Variants in BCKDHB observed in about 807,000 individuals in gnomAD.
The protein encoded by BCKDHB is branched chain keto acid dehydrogenase E1 subunit beta.
In BCKDHB, 41 loss-of-function variants were observed where a neutral mutation model predicts 48.5. The observed-to-expected ratio is 0.85, with a 90% CI of 0.66 to 1.10. The LOEUF is 1.10. Ranked by LOEUF, BCKDHB falls within the 50% of genes least tolerant of loss-of-function variation. The pLI is 0.00. For synonymous variants in BCKDHB, 201 were observed against 174.8 expected, an observed-to-expected ratio of 1.15 and a Z score of -1.18; for missense variants, 496 against 494.2, an observed-to-expected ratio of 1.00 and a Z score of -0.03.
At chr6:80,439,943 A>G in the BCKDHB span, among the ~76,000 whole-genome samples, 1 of 152,240 alleles carries the variant, frequency 6.6e-6, no homozygotes, top group Non-Finnish European at 1.5e-5. Context: ...ACAGAATAGT[A>G]TAATGCCTTT....
chr6:80,119,537 T>C (rs931836900), intron 1 of BCKDHB, among the ~76,000 whole-genome samples: 1 of 152,104 alleles, frequency 6.6e-6, no homozygotes, highest in Admixed American at 6.5e-5. Flanking sequence ...GCCAGGCTGG[T>C]CTCGAACTCC....
At chr6:80,431,147 T>C in the BCKDHB span, among the ~76,000 whole-genome samples, 1 of 152,226 alleles carries the variant, frequency 6.6e-6, no homozygotes, top group Admixed American at 6.5e-5. Context: ...AGTTTCTTAA[T>C]CCTGAGTTCT....
At chr6:80,385,469 T>G in the BCKDHB span, among the ~76,000 whole-genome samples, 1 of 152,144 alleles carries the variant, frequency 6.6e-6, no homozygotes, top group Non-Finnish European at 1.5e-5. Flanking sequence ...GTTTGTAAAC[T>G]CTAATGAACC....
the BCKDHB span, among the ~76,000 whole-genome samples, chr6:80,409,935 G>A: frequency 6.6e-6 from 1 of 151,344 alleles, no homozygotes; most frequent in East Asian, 2.0e-4. Context: ...TTAATCCTAT[G>A]TGTGAATTTG....
At chr6:80,453,591 G>C in the BCKDHB span, among the ~76,000 whole-genome samples, 1 of 152,164 alleles carries the variant, frequency 6.6e-6, no homozygotes, top group Non-Finnish European at 1.5e-5. Flanking sequence ...GAGATATTAT[G>C]TCCCCTGTAT....
At chr6:80,273,299 C>T (rs1168617788) in intron 9 of BCKDHB, 78 bp downstream of exon 9, 4 of 1,210,884 alleles carry the variant, frequency 3.3e-6, no homozygotes, top group Non-Finnish European at 4.9e-6. Context: ...AATTACTTAT[C>T]ACAATATGTG....
chr6:80,220,405 G>GT (rs58469565), intron 8 of BCKDHB, among the ~76,000 whole-genome samples: 7,568 of 33,716 alleles, frequency 0.22, 1,369 homozygotes, highest in East Asian at 0.34. Context: ...CTTTAGTAGT[G>GT]TTTTTTTTTT....
chr6:80,399,520 C>T, the BCKDHB span, among the ~76,000 whole-genome samples: 15,656 of 151,812 alleles, frequency 0.1, 2,311 homozygotes, highest in African/African-American at 0.33. Flanking sequence ...AATAAACTAC[C>T]TAAGAGCACA....
At chr6:80,412,704 C>T in the BCKDHB span, among the ~76,000 whole-genome samples, 1 of 152,128 alleles carries the variant, frequency 6.6e-6, no homozygotes, top group East Asian at 1.9e-4. Flanking sequence ...TTTTGTATGG[C>T]AGGCCTGGTG....
At chr6:80,320,478 G>A (rs1217460226) in intron 9 of BCKDHB, among the ~76,000 whole-genome samples, 1 of 151,954 alleles carries the variant, frequency 6.6e-6, no homozygotes, top group Non-Finnish European at 1.5e-5. Context: ...ATCTTTCCGA[G>A]TTTGCAAAAC....
chr6:80,433,585 T>C, the BCKDHB span, among the ~76,000 whole-genome samples: 1 of 152,202 alleles, frequency 6.6e-6, no homozygotes, highest in Non-Finnish European at 1.5e-5. Context: ...CAGTGGATCT[T>C]AGTTTGCTGT....
the BCKDHB span, among the ~76,000 whole-genome samples, chr6:80,445,202 A>G: frequency 6.6e-6 from 1 of 152,142 alleles, no homozygotes; most frequent in African/African-American, 2.4e-5. Context: ...GGCACATCCC[A>G]TTGACTTTGC....
intron 1 of BCKDHB, among the ~76,000 whole-genome samples, chr6:80,112,009 A>G (rs1295536461): frequency 2.6e-5 from 4 of 152,180 alleles, no homozygotes; most frequent in African/African-American, 9.7e-5. Context: ...ACCAGTAAGT[A>G]CTCCAGTGCC....
chr6:80,270,364 A>G (rs1342789883), intron 8 of BCKDHB, among the ~76,000 whole-genome samples: 1 of 152,132 alleles, frequency 6.6e-6, no homozygotes, highest in Non-Finnish European at 1.5e-5. Flanking sequence ...AAGTGAAGTA[A>G]TTGTAAAATA....
intron 9 of BCKDHB, among the ~76,000 whole-genome samples, chr6:80,277,799 T>C (rs945562760): frequency 2.6e-5 from 4 of 152,180 alleles, no homozygotes; most frequent in African/African-American, 9.6e-5. Flanking sequence ...TCAGAAACTG[T>C]GGATACCAAC....
At chr6:80,220,413 T>TC (rs1408043568) in intron 8 of BCKDHB, among the ~76,000 whole-genome samples, 1 of 148,936 alleles carries the variant, frequency 6.7e-6, no homozygotes, top group African/African-American at 2.4e-5. Flanking sequence ...GTGTTTTTTT[T>TC]TTTTTTTTTT....
chr6:80,125,915 A>G (rs1228907273), intron 1 of BCKDHB, among the ~76,000 whole-genome samples: 1 of 152,200 alleles, frequency 6.6e-6, no homozygotes, highest in Admixed American at 6.5e-5. Flanking sequence ...GACTTGCTAG[A>G]TACAGGGTTG....
At chr6:80,293,800 C>G (rs1313868092) in intron 9 of BCKDHB, among the ~76,000 whole-genome samples, 2 of 152,304 alleles carry the variant, frequency 1.3e-5, no homozygotes, top group East Asian at 3.9e-4. Flanking sequence ...ATTTCTTCCA[C>G]CAGATACCCT....
chr6:80,174,195 T>G (rs1773046504), intron 6 of BCKDHB, among the ~76,000 whole-genome samples: 1 of 152,170 alleles, frequency 6.6e-6, no homozygotes, highest in African/African-American at 2.4e-5. Flanking sequence ...AATTGTACAT[T>G]TAAAGTTTTT....
Sources: allele counts gnomAD v4.1 joint callset (sites outside exome capture counted in the v4.1 genomes callset), GRCh38; gene constraint gnomAD v4.1.1; transcripts MANE v1.5; gene names NCBI Gene and HGNC (gene_info 2026-07-23, HGNC 2026-07-21).